Variants in ATM observed in about 807,000 individuals in gnomAD.
The protein encoded by ATM is ATM serine/threonine kinase.
ATM carries 308 observed loss-of-function variants against 387.0 expected under a neutral mutation model. The ratio of observed to expected loss-of-function variants is 0.80; its 90% CI spans 0.73 to 0.87. The LOEUF (loss-of-function observed/expected upper bound fraction) is 0.87. Among genes scored for constraint, ATM ranks in the 40% least tolerant of loss-of-function variants. The pLI, the probability that ATM is intolerant of heterozygous loss-of-function variation, is 0.00. For missense variants in ATM, 3,312 were observed against 3,560.9 expected, an observed-to-expected ratio of 0.93 and a Z score of 1.78; for synonymous variants, 1,156 against 1,187.3, an observed-to-expected ratio of 0.97 and a Z score of 0.54.
At chr11:108,333,538 A>G (rs1321993081) in intron 53 of ATM, among the ~76,000 whole-genome samples, 1 of 152,204 alleles carries the variant, frequency 6.6e-6, no homozygotes, top group Admixed American at 6.5e-5. Flanking sequence ...AAGTATTGAC[A>G]TGTCTTTTAG....
intron 13 of ATM, among the ~76,000 whole-genome samples, 200 bp from the exon 14 acceptor site, chr11:108,256,015 G>A (rs1473742882): frequency 6.6e-6 from 1 of 151,980 alleles, no homozygotes; most frequent in Non-Finnish European, 1.5e-5. Flanking sequence ...AGATACTTAG[G>A]CTATTTTTCT....
At chr11:108,338,092 T>C (rs545335394) in intron 56 of ATM, among the ~76,000 whole-genome samples, 1 of 152,398 alleles carries the variant, frequency 6.6e-6, no homozygotes, top group East Asian at 1.9e-4. Flanking sequence ...CCCACGCCTG[T>C]AATCCCAGTA....
At chr11:108,327,870 A>G in intron 48 of ATM, 112 bp downstream of exon 48, 1 of 885,522 alleles carries the variant, frequency 1.1e-6, no homozygotes, top group Non-Finnish European at 1.8e-6. Flanking sequence ...TTATTTTTCT[A>G]TATATTATTA....
intron 33 of ATM, 33 bp downstream of exon 33, chr11:108,297,415 A>G: frequency 6.6e-7 from 1 of 1,514,322 alleles, no homozygotes; most frequent in Non-Finnish European, 9.2e-7. Flanking sequence ...GTGACATTTC[A>G]GTCAACTGCG....
Position 108,257,464 on chromosome 11 carries a change from C to T in ATM, c.2251-17C>T, listed in dbSNP as rs1353986507. ...AATTTTAACTGGAATTTGCATTTTTCCTTCTATTCACAATAGTCTCTAATG... is the reference window on the plus strand; with the variant it reads ...AATTTTAACTGGAATTTGCATTTTTTCTTCTATTCACAATAGTCTCTAATG... On this transcript the variant is annotated splice_polypyrimidine_tract_variant and intron_variant, in intron 14 of 62. Transcript: ENST00000675843. The T allele has an allele frequency of 3.1e-6, 5 of 1,611,148 alleles. No individual in the cohort carries two copies. The highest frequency in any genetic ancestry group is 4.2e-6 in the Non-Finnish European group (5 of 1,179,392).
At chr11:108,254,281 T>C (rs1200401894) in intron 13 of ATM, among the ~76,000 whole-genome samples, 1 of 152,130 alleles carries the variant, frequency 6.6e-6, no homozygotes, top group Non-Finnish European at 1.5e-5. Flanking sequence ...ATTCCTTGTG[T>C]AGGTTAGTGA....
Position 108,368,026 on chromosome 11 carries a change from TTGCATCCAGA to T in ATM, c.*2519_*2528del, listed in dbSNP as rs1053060201. 4.3e-5 allele frequency: 9 copies of T among 207,250 alleles called. No homozygotes were observed. The highest frequency in any genetic ancestry group is 1.4e-4 in the African/African-American group (6 of 44,024). The allele number at this position is 207,250 out of a possible 1,614,324, so 12.8% of individuals were successfully genotyped here. ...ATTTGTAGCTAATTCTTGCTAGTTG[TTGCATCCAGA>T]GAGCTTTGAATAACATCATTAATCT... On this transcript the variant is annotated 3_prime_UTR_variant, in exon 63 of 63. Coordinates refer to ENST00000675843, the MANE Select transcript of ATM (RefSeq NM_000051.4).
intron 22 of ATM, among the ~76,000 whole-genome samples, chr11:108,276,382 C>T (rs1377193349): frequency 6.6e-6 from 1 of 152,194 alleles, no homozygotes; most frequent in African/African-American, 2.4e-5. Context: ...AACTCATTCT[C>T]CGTCCAGTTT....
chr11:108,260,578 G>C (rs2080805025), intron 16 of ATM, among the ~76,000 whole-genome samples: 1 of 152,090 alleles, frequency 6.6e-6, no homozygotes, highest in South Asian at 2.1e-4. Flanking sequence ...CACCCTCTTT[G>C]GGTAACACTT....
In ATM at chr11:108,277,363, A is replaced by G. The variant is rs535913213; in HGVS notation, c.3285-2128A>G. Among the ~76,000 whole-genome samples the G allele has an allele frequency of 2.6e-5, 4 of 152,046 alleles. No individual in the cohort carries two copies. In the South Asian group the frequency reaches 8.3e-4, roughly 32 times the overall value. The stretch of plus-strand genomic sequence containing the variant: ...GCTCCCTGGCTTCAGCCCCCTTTCT[A>G]GGGGAGTGAATGGGTCCGTCTCGCT... On this transcript the variant is annotated intron_variant, in intron 22 of 62. Transcript: ENST00000675843.
intron 59 of ATM, among the ~76,000 whole-genome samples, chr11:108,348,787 G>GA (rs561143761): frequency 3.9e-4 from 59 of 152,018 alleles, no homozygotes; most frequent in African/African-American, 1.2e-3. Flanking sequence ...AAACAAAGAA[G>GA]AAAACCCTGT....
intron 57 of ATM, 85 bp from the exon 58 acceptor site, chr11:108,345,656 ATC>A: frequency 8.9e-7 from 1 of 1,123,014 alleles, no homozygotes; most frequent in South Asian, 1.7e-5. Flanking sequence ...TTGCCCCTAT[ATC>A]TGTCATATTT....
intron 37 of ATM, among the ~76,000 whole-genome samples, chr11:108,306,759 A>G (rs1012713670): frequency 6.6e-6 from 1 of 152,232 alleles, no homozygotes; most frequent in African/African-American, 2.4e-5. Flanking sequence ...TAAACGTCCC[A>G]TGTGCATCTC....
At chr11:108,254,159 A>G (rs2080327107) in intron 13 of ATM, 120 bp downstream of exon 13, 1 of 917,200 alleles carries the variant, frequency 1.1e-6, no homozygotes, top group Admixed American at 2.3e-5. Flanking sequence ...TTTTAAAAGC[A>G]AAGTGGCAGT....
rs59021047 is a variant in ATM at position 108,317,648 on chromosome 11, TATATACACAC to T, written c.6347+129_6347+138del. The T allele has an allele frequency of 7.1e-3, 943 of 133,292 alleles. 14 individuals carry two copies. Among genetic ancestry groups the T allele is most frequent in the African/African-American group, 0.037 (864 of 23,520 alleles). 8.3% of individuals were successfully genotyped at this position (133,292 alleles called of 1,614,324 possible). On this transcript the variant is annotated intron_variant, in intron 43 of 62. Coordinates refer to ENST00000675843, the MANE Select transcript of ATM (RefSeq NM_000051.4). ...ATATATATATATATATATATATATA[TATATACACAC>T]ACACACACACACACACTATATATAT... is the stretch of plus-strand genomic sequence containing the variant.
chr11:108,319,564 T>C (rs1235196655), intron 43 of ATM, among the ~76,000 whole-genome samples: 4 of 152,250 alleles, frequency 2.6e-5, no homozygotes, highest in Admixed American at 6.5e-5. Flanking sequence ...ATTCTCTGCA[T>C]GTCCCTTGTT....
At position 108,365,588 on chromosome 11, in the gene ATM, TTAAG is replaced by T. The variant is rs1196722258; in HGVS notation, c.*83_*86del. ...TTTATTTTTAACCTGCCAACATACT[TTAAG>T]TAGGGATTAATATTTAAGTGAACTA... On this transcript the variant is annotated 3_prime_UTR_variant, in exon 63 of 63. Coordinates refer to ENST00000675843, the MANE Select transcript of ATM (RefSeq NM_000051.4). The T allele has an allele frequency of 4.7e-6, 7 of 1,479,654 alleles. No homozygotes were observed. In the African/African-American group the frequency reaches 5.6e-5, roughly 12 times the overall value. The allele number at this position is 1,479,654 out of a possible 1,614,324, so 91.7% of individuals were successfully genotyped here. A position where few individuals can be genotyped will look rare whatever the true frequency, so the allele number is the denominator to read the frequency against.
intron 13 of ATM, among the ~76,000 whole-genome samples, chr11:108,255,506 A>G (rs1358722155): frequency 1.4e-5 from 2 of 147,400 alleles, no homozygotes; most frequent in Non-Finnish European, 3.0e-5. Flanking sequence ...GCTCATTGCA[A>G]CCTTCGCCTC....
chr11:108,268,167 A>T (rs1308887971), intron 17 of ATM, among the ~76,000 whole-genome samples: 10 of 152,124 alleles, frequency 6.6e-5, no homozygotes, highest in African/African-American at 2.4e-4. Flanking sequence ...CCTACAATAA[A>T]CATTATTGCA....
Sources: gnomAD v4.1 joint callset for allele counts (sites outside exome capture counted in the v4.1 genomes callset) on GRCh38, gnomAD v4.1.1 for gene constraint, MANE v1.5 for transcripts, NCBI Gene and HGNC (gene_info 2026-07-23, HGNC 2026-07-21) for gene names.